ASIC2: variants seen among roughly 807,000 people sequenced by gnomAD.
ASIC2 encodes acid sensing ion channel subunit 2.
A neutral mutation model predicts 57.3 loss-of-function variants in ASIC2; 25 were observed. The observed-to-expected ratio is 0.44, with a 90% CI of 0.32 to 0.61. ASIC2 has a LOEUF of 0.61. Among genes scored for constraint, ASIC2 ranks in the 20% least tolerant of loss-of-function variants. The pLI, the probability that ASIC2 is intolerant of heterozygous loss-of-function variation, is 0.06. For synonymous variants in ASIC2, 319 were observed against 307.5 expected (o/e 1.04, Z -0.39); for missense variants, 641 against 738.1 (o/e 0.87, Z 1.52).
At chr17:33,819,537 G>A (rs1286486273) in intron 1 of ASIC2, among the ~76,000 whole-genome samples, 1 of 152,198 alleles carries the variant, frequency 6.6e-6, no homozygotes, top group Non-Finnish European at 1.5e-5. Context: ...GATGTGAAGG[G>A]CATACTCTAG....
At chr17:34,128,248 A>G (rs1252874693) in intron 1 of ASIC2, among the ~76,000 whole-genome samples, 2 of 152,190 alleles carry the variant, frequency 1.3e-5, no homozygotes, top group Admixed American at 1.3e-4. Flanking sequence ...GTCTTATCAA[A>G]GTGGCCCGTG....
intron 1 of ASIC2, among the ~76,000 whole-genome samples, chr17:33,951,757 A>ATTTTTTTTTTT (rs11418012): frequency 7.4e-6 from 1 of 135,634 alleles, no homozygotes; most frequent in Non-Finnish European, 1.6e-5. Flanking sequence ...TAATTTTTGT[A>ATTTTTTTTTTT]TTTTTTTTTT....
At chr17:33,180,491 G>A (rs538127337) in intron 1 of ASIC2, among the ~76,000 whole-genome samples, 11 of 152,102 alleles carry the variant, frequency 7.2e-5, no homozygotes, top group African/African-American at 9.7e-5. Context: ...AGCATCTGAC[G>A]TCCCTTGCTG....
At chr17:33,797,092 C>A (rs935354789) in intron 1 of ASIC2, among the ~76,000 whole-genome samples, 4 of 152,196 alleles carry the variant, frequency 2.6e-5, no homozygotes, top group African/African-American at 9.6e-5. Flanking sequence ...CTCTCTCACT[C>A]AGTGCCATAG....
At chr17:33,708,198 T>C (rs1470536495) in intron 1 of ASIC2, among the ~76,000 whole-genome samples, 2 of 152,220 alleles carry the variant, frequency 1.3e-5, no homozygotes, top group African/African-American at 4.8e-5. Context: ...CACCTTAATT[T>C]TTGAAGACAT....
At chr17:33,173,080 G>A (rs1905589170) in intron 1 of ASIC2, among the ~76,000 whole-genome samples, 1 of 152,150 alleles carries the variant, frequency 6.6e-6, no homozygotes, top group Non-Finnish European at 1.5e-5. Context: ...ACTCAGCATG[G>A]AAGATGTCTG....
chr17:33,669,515 C>T (rs1489431511), intron 1 of ASIC2, among the ~76,000 whole-genome samples: 2 of 152,196 alleles, frequency 1.3e-5, no homozygotes, highest in Non-Finnish European at 2.9e-5. Context: ...TCACCTTCAG[C>T]AGCAGAAGCA....
intron 1 of ASIC2, among the ~76,000 whole-genome samples, chr17:34,102,010 TA>T (rs890793837): frequency 4.6e-5 from 7 of 151,330 alleles, no homozygotes; most frequent in South Asian, 2.1e-4. Context: ...ACTGTATGCT[TA>T]AAAAAAAAGT....
intron 1 of ASIC2, among the ~76,000 whole-genome samples, chr17:33,559,138 A>C (rs923700759): frequency 5.3e-5 from 8 of 152,114 alleles, no homozygotes; most frequent in African/African-American, 9.7e-5. Flanking sequence ...CTACACTCTG[A>C]CTGAGCAAGA....
At chr17:33,743,623 T>C (rs559492931) in intron 1 of ASIC2, among the ~76,000 whole-genome samples, 1 of 152,342 alleles carries the variant, frequency 6.6e-6, no homozygotes, top group East Asian at 1.9e-4. Flanking sequence ...GGACACATGA[T>C]TGATCTCCTG....
chr17:33,181,921 C>G (rs1427970079), intron 1 of ASIC2, among the ~76,000 whole-genome samples: 1 of 152,170 alleles, frequency 6.6e-6, no homozygotes, highest in East Asian at 1.9e-4. Flanking sequence ...GTGGCAGGAG[C>G]TGGAGTCAGA....
chr17:34,151,120 A>T (rs916578916), intron 1 of ASIC2, among the ~76,000 whole-genome samples: 17 of 149,060 alleles, frequency 1.1e-4, no homozygotes, highest in African/African-American at 2.8e-4. Context: ...AAAAAAAAAA[A>T]AAAAATAAAG....
At chr17:33,184,545 G>T (rs1906111634) in intron 1 of ASIC2, among the ~76,000 whole-genome samples, 1 of 152,154 alleles carries the variant, frequency 6.6e-6, no homozygotes, top group African/African-American at 2.4e-5. Flanking sequence ...TTGCAAATGT[G>T]ACTACTGAAC....
At chr17:33,538,293 G>A (rs1351044179) in intron 1 of ASIC2, among the ~76,000 whole-genome samples, 1 of 152,162 alleles carries the variant, frequency 6.6e-6, no homozygotes, top group Middle Eastern at 3.2e-3. Context: ...ACCCCTGTAG[G>A]CAGAGTTGGG....
intron 1 of ASIC2, chr17:33,794,110 C>T (rs1378235570): frequency 6.6e-6 from 1 of 152,178 alleles, no homozygotes; most frequent in Non-Finnish European, 1.5e-5. Flanking sequence ...CTCTAGCTCA[C>T]CCATTCCACT....
intron 1 of ASIC2, among the ~76,000 whole-genome samples, chr17:33,680,169 T>G (rs1454057099): frequency 6.6e-6 from 1 of 152,092 alleles, no homozygotes; most frequent in Admixed American, 6.6e-5. Flanking sequence ...ACCCCTATTC[T>G]TGGGCCTTCT....
At chr17:33,886,549 A>G (rs1332181920) in intron 1 of ASIC2, among the ~76,000 whole-genome samples, 5 of 152,156 alleles carry the variant, frequency 3.3e-5, no homozygotes, top group Admixed American at 3.3e-4. Flanking sequence ...GAGATTACAG[A>G]TTAGTTTCAG....
intron 1 of ASIC2, among the ~76,000 whole-genome samples, chr17:33,175,526 T>C (rs1905716405): frequency 9.9e-6 from 1 of 101,152 alleles, no homozygotes; most frequent in Admixed American, 9.3e-5. Flanking sequence ...AAAAATACCC[T>C]ACTTTTTTTT....
At chr17:33,021,162 T>TACCAA in intron 7 of ASIC2, 57 bp downstream of exon 7, 2 of 694,010 alleles carry the variant, frequency 2.9e-6, no homozygotes, top group East Asian at 5.7e-5. Flanking sequence ...CTGTGCATCC[T>TACCAA]CCCTCCCTCC....
Sources: allele counts gnomAD v4.1 joint callset (sites outside exome capture counted in the v4.1 genomes callset), GRCh38; gene constraint gnomAD v4.1.1; transcripts MANE v1.5; gene names NCBI Gene and HGNC (gene_info 2026-07-23, HGNC 2026-07-21).